The following LCA5 variants were observed in gnomAD, a reference collection of about 807,000 sequenced individuals.
The protein encoded by LCA5 is lebercilin.
A neutral mutation model predicts 53.0 loss-of-function variants in LCA5; 37 were observed. The ratio of observed to expected loss-of-function variants is 0.70; its 90% confidence interval spans 0.54 to 0.92. The LOEUF is 0.92. Among genes scored for constraint, LCA5 ranks in the 40% least tolerant of loss-of-function variants. The pLI is 0.00. For missense variants in LCA5, 806 were observed against 790.5 expected, an observed-to-expected ratio of 1.02 and a Z score of -0.23; for synonymous variants, 303 against 282.9, an observed-to-expected ratio of 1.07 and a Z score of -0.71.
At chr6:79,508,502 G>C (rs1187209529) in intron 3 of LCA5, among the ~76,000 whole-genome samples, 1 of 125,340 alleles carries the variant, frequency 8.0e-6, no homozygotes, top group African/African-American at 3.0e-5. Context: ...AGAAGGAATT[G>C]CAACTAGCAA....
rs142735034 is a variant in LCA5 at position 79,488,642 on chromosome 6, A to T, written c.1231+442T>A. 3.1e-3 allele frequency: 637 copies of T among 207,086 alleles called. 5 individuals are homozygous for T. The highest frequency in any genetic ancestry group is 4.2e-3 in the Non-Finnish European group (438 of 103,562). The allele number at this position is 207,086 out of a possible 1,614,324, so 12.8% of individuals were successfully genotyped here. On this transcript the variant is annotated intron_variant, in intron 7 of 7. Transcript: ENST00000369846. ...CTAAGAGAATGTCCTAGTTTGGGGA[A>T]ATATACATACAACTATTTAAAGGTA...
Position 79,487,814 on chromosome 6 carries a change from C to G in LCA5, c.1284G>C (p.Leu428=), listed in dbSNP as rs370927422. The G allele has an allele frequency of 1.2e-6, 2 of 1,610,162 alleles. No homozygotes were observed. Among genetic ancestry groups the G allele is most frequent in the Non-Finnish European group, 1.7e-6 (2 of 1,178,742 alleles). The change falls in exon 8 of 8, where the codon CTG becomes CTC. Residue 428 remains leucine (L), a synonymous_variant. Coordinates refer to ENST00000369846, the MANE Select transcript of LCA5 (RefSeq NM_001122769.3). ...CCCACTCTGGCTTTTCTTCTCTTTC[C>G]AGTAAAGATGCCTTTTCTTTTTGCT... ...DKKQKEKASL[L]EREEKPEWET...
At chr6:79,504,338 T>C (rs1209921641) in intron 3 of LCA5, among the ~76,000 whole-genome samples, 1 of 152,212 alleles carries the variant, frequency 6.6e-6, no homozygotes, top group Non-Finnish European at 1.5e-5. Context: ...AGAATAACTT[T>C]AGACACATTA....
chr6:79,503,864 T>C (rs1008068656), intron 3 of LCA5, among the ~76,000 whole-genome samples: 1 of 152,252 alleles, frequency 6.6e-6, no homozygotes, highest in African/African-American at 2.4e-5. Context: ...GTATTAACAG[T>C]CTAACTAATA....
In LCA5 at chr6:79,531,530, C is replaced by A. The variant is rs566864854; in HGVS notation, c.-192+5635G>T. ...TTCTTTCCGACCATTTCCTTTTGAA[C>A]CCACACTAGTTAGGTTTTCATCCCC... On this transcript the variant is annotated intron_variant, in intron 1 of 7. Coordinates refer to ENST00000369846, the MANE Select transcript of LCA5 (RefSeq NM_001122769.3). Among the ~76,000 whole-genome samples the A allele has an allele frequency of 2.0e-5, 3 of 152,206 alleles. No homozygotes were observed. In the East Asian group the frequency reaches 5.8e-4, roughly 29 times the overall value.
intron 7 of LCA5, chr6:79,488,778 C>A (rs2655672): frequency 2.1e-6 from 1 of 487,264 alleles, no homozygotes; most frequent in Non-Finnish European, 3.6e-6. Flanking sequence ...GTAAGAACAC[C>A]ACAAGTATAG....
chr6:79,533,611 C>A, intron 1 of LCA5, among the ~76,000 whole-genome samples: 1 of 147,914 alleles, frequency 6.8e-6, no homozygotes, highest in Admixed American at 6.7e-5. Context: ...AAGTCCCAAA[C>A]AGTAAAAATT....
At chr6:79,528,271 C>A (rs576874308) in intron 1 of LCA5, among the ~76,000 whole-genome samples, 1 of 152,130 alleles carries the variant, frequency 6.6e-6, no homozygotes, top group Admixed American at 6.6e-5. Flanking sequence ...GGAATATAAA[C>A]CACCCCTCTT....
chr6:79,491,780 A>G, intron 5 of LCA5, 50 bp from the exon 6 acceptor site: 2 of 1,526,336 alleles, frequency 1.3e-6, no homozygotes, highest in Non-Finnish European at 1.8e-6. Context: ...TAATGCTAAA[A>G]TATATGGAAT....
chr6:79,532,328 C>T (rs1766983001), intron 1 of LCA5, among the ~76,000 whole-genome samples: 1 of 152,146 alleles, frequency 6.6e-6, no homozygotes, highest in Non-Finnish European at 1.5e-5. Context: ...CACTTTCATC[C>T]TTGCTTCACG....
At position 79,534,066 on chromosome 6, in the gene LCA5, A is replaced by G. The variant is rs554611912; in HGVS notation, c.-192+3099T>C. On this transcript the variant is annotated intron_variant, in intron 1 of 7. Transcript: ENST00000369846. ...TCCTTTGTGGAAGAGGAGCAGTTACACTGTAACTGCTCCTCTTCCACAAAG... is the reference window on the plus strand; with the variant it reads ...TCCTTTGTGGAAGAGGAGCAGTTACGCTGTAACTGCTCCTCTTCCACAAAG... Among the ~76,000 whole-genome samples the G allele has an allele frequency of 2.5e-3, 355 of 141,722 alleles. 2 individuals carry two copies. The highest frequency in any genetic ancestry group is 4.0e-3 in the Non-Finnish European group (252 of 62,474). The allele number at this position is 141,722 out of a possible 152,430, so 93.0% of individuals were successfully genotyped here. A position where few individuals can be genotyped will look rare whatever the true frequency, so the allele number is the denominator to read the frequency against.
In LCA5 at chr6:79,528,948, T is replaced by A. The variant is rs529347770; in HGVS notation, c.-192+8217A>T. Among the ~76,000 whole-genome samples the A allele has an allele frequency of 2.0e-5, 3 of 152,242 alleles. No individual in the cohort carries two copies. In the East Asian group the frequency reaches 5.8e-4, roughly 29 times the overall value. On this transcript the variant is annotated intron_variant, in intron 1 of 7. Transcript: ENST00000369846. The stretch of plus-strand genomic sequence containing the variant: ...TGAAAACTTTACAAGGACTAACAAC[T>A]CTAGGCAACAAACTGGCAGAAAATG...
rs201522324 is a variant in LCA5, at chr6:79,493,727, C to T, written c.744G>A (p.Leu248=). Residue 248 remains leucine, a synonymous_variant, in exon 4 of 8, where the codon CTG becomes CTA. Transcript: ENST00000369846. ...ACTGTCGTTGGAAACTGTTAGTACT[C>T]AGTTCAAGGTTTTTCGATAGCTCCT... ...RIKELSKNLE[L]STNSFQRQLL... is the part of the protein sequence containing the mutation. The T allele has an allele frequency of 1.8e-5, 29 of 1,613,344 alleles. No individual in the cohort carries two copies. In the African/African-American group the frequency reaches 3.2e-4, roughly 18 times the overall value.
Position 79,513,736 on chromosome 6 carries a change from GA to G in LCA5, c.195del (p.Arg66GlyfsTer45). 1 of 1,613,330 alleles carries G rather than the reference GA, an allele frequency of 6.2e-7. No homozygotes were observed. The highest frequency in any genetic ancestry group is 8.5e-7 in the Non-Finnish European group (1 of 1,179,560). On this transcript the variant is annotated frameshift_variant, in exon 3 of 8. Transcript: ENST00000369846. LOFTEE classifies it high-confidence loss of function. ...TSDGQVHHQA[P>X]RKPSPKGLPN... ...GGTAGACCCTTAGGGCTTGGTTTCC[GA>G]GGGGCTAAAAAAGAAACAGGAATAA...
chr6:79,497,336 T>G (rs1770006976), intron 3 of LCA5, among the ~76,000 whole-genome samples: 1 of 152,138 alleles, frequency 6.6e-6, no homozygotes, highest in South Asian at 2.1e-4. Flanking sequence ...GAGCAACACT[T>G]TGGCTAGGAG....
intron 6 of LCA5, 58 bp from the exon 7 acceptor site, chr6:79,489,274 G>C (rs1373370454): frequency 1.3e-6 from 2 of 1,542,626 alleles, no homozygotes; most frequent in South Asian, 1.1e-5. Flanking sequence ...GGGGAACTAA[G>C]CAACACAGAT....
At chr6:79,526,364 G>A (rs1232638422) in intron 1 of LCA5, among the ~76,000 whole-genome samples, 1 of 152,072 alleles carries the variant, frequency 6.6e-6, no homozygotes, top group Non-Finnish European at 1.5e-5. Flanking sequence ...CTAACACGGT[G>A]AAACCCCGTC....
intron 3 of LCA5, among the ~76,000 whole-genome samples, chr6:79,509,192 C>T (rs1011724750): frequency 2.6e-5 from 4 of 152,084 alleles, no homozygotes; most frequent in South Asian, 2.1e-4. Flanking sequence ...TGGTGGCTCA[C>T]GCCTGTAATC....
intron 1 of LCA5, among the ~76,000 whole-genome samples, chr6:79,529,377 GC>G (rs1476832250): frequency 2.6e-5 from 4 of 152,126 alleles, no homozygotes; most frequent in Non-Finnish European, 5.9e-5. Flanking sequence ...CTAAGCACTG[GC>G]AGCCAGCCTG....
Sources: gnomAD v4.1 joint callset for allele counts (sites outside exome capture counted in the v4.1 genomes callset) on GRCh38, gnomAD v4.1.1 for gene constraint, MANE v1.5 for transcripts, NCBI Gene and HGNC (gene_info 2026-07-23, HGNC 2026-07-21) for gene names.